The following SPG11 variants were observed in gnomAD, a reference collection of about 807,000 sequenced individuals.
SPG11 encodes the protein SPG11 vesicle trafficking associated, spatacsin.
In SPG11, 222 loss-of-function variants were observed where a neutral mutation model predicts 274.0. The observed-to-expected ratio is 0.81, with a 90% CI of 0.73 to 0.91. The LOEUF is 0.91. Among genes scored for constraint, SPG11 ranks in the 40% least tolerant of loss-of-function variants. The pLI, the probability that SPG11 is intolerant of heterozygous loss-of-function variation, is 0.00. For synonymous variants in SPG11, 1,144 were observed against 1,039.7 expected (o/e 1.10, Z -1.93); for missense variants, 3,114 against 2,872.7 (o/e 1.08, Z -1.92).
chr15:44,597,058 A>G, intron 23 of SPG11, 115 bp from the exon 24 acceptor site: 1 of 905,120 alleles, frequency 1.1e-6, no homozygotes, highest in South Asian at 1.5e-5. Context: ...AGCACAGTGT[A>G]TTCTCCAACA....
intron 27 of SPG11, chr15:44,590,746 G>A (rs1475610319): frequency 6.6e-6 from 1 of 152,114 alleles, no homozygotes; most frequent in Non-Finnish European, 1.5e-5. Context: ...AAACTTAACT[G>A]CCGGGTTTCA....
chr15:44,623,634 C>A (rs2083815217), intron 11 of SPG11, among the ~76,000 whole-genome samples: 1 of 152,182 alleles, frequency 6.6e-6, no homozygotes, highest in African/African-American at 2.4e-5. Context: ...GTCACATGAA[C>A]AATACAGAAT....
At chr15:44,593,182 C>A (rs2082946980) in intron 26 of SPG11, among the ~76,000 whole-genome samples, 1 of 152,044 alleles carries the variant, frequency 6.6e-6, no homozygotes. Flanking sequence ...GGTGCTATGA[C>A]ACCTTTATTA....
intron 11 of SPG11, among the ~76,000 whole-genome samples, chr15:44,623,212 G>A (rs1327498492): frequency 1.3e-5 from 2 of 152,020 alleles, no homozygotes; most frequent in African/African-American, 4.8e-5. Flanking sequence ...GCCTCCCAAG[G>A]TGCTAGGATT....
At chr15:44,565,783 T>C in intron 38 of SPG11, 71 bp downstream of exon 38, 1 of 1,588,502 alleles carries the variant, frequency 6.3e-7, no homozygotes, top group Non-Finnish European at 8.6e-7. Flanking sequence ...ACCTTACCTC[T>C]GGGTTCCATG....
At chr15:44,599,095 A>G (rs890643097) in intron 21 of SPG11, among the ~76,000 whole-genome samples, 2 of 152,178 alleles carry the variant, frequency 1.3e-5, no homozygotes, top group African/African-American at 2.4e-5. Flanking sequence ...TCTTGCTTCC[A>G]ACTTCATCAA....
chr15:44,660,509 T>C lies in SPG11; in HGVS notation c.365A>G (p.Asp122Gly). Residue 122 changes from aspartate to glycine, a missense_variant, in exon 2 of 40, where the codon GAT becomes GGT. Physicochemically the swap from Asp to Gly is moderately conservative, Grantham distance 94. Transcript: ENST00000261866. ...CAAAATGGTTGCATCACATCTTCCA[T>C]CTTTCAAATTAAATTCATAGATAAG... ...ELLIYEFNLK[D>G]GRCDATILYS... 1 of 1,614,176 alleles carries C rather than the reference T, an allele frequency of 6.2e-7. No individual in the cohort carries two copies.
At chr15:44,661,229 C>G (rs1442043747) in intron 1 of SPG11, among the ~76,000 whole-genome samples, 1 of 152,158 alleles carries the variant, frequency 6.6e-6, no homozygotes, top group Non-Finnish European at 1.5e-5. Context: ...TAGCTAATGA[C>G]TACCATTACT....
At chr15:44,606,847 G>C (rs141902893) in intron 19 of SPG11, among the ~76,000 whole-genome samples, 2 of 152,110 alleles carry the variant, frequency 1.3e-5, no homozygotes, top group Non-Finnish European at 2.9e-5. Context: ...ACAGAACAAA[G>C]AGCAACATGA....
At chr15:44,583,536 G>A (rs987854329) in intron 30 of SPG11, among the ~76,000 whole-genome samples, 1 of 152,180 alleles carries the variant, frequency 6.6e-6, no homozygotes, top group Non-Finnish European at 1.5e-5. Flanking sequence ...GACTGGAAAT[G>A]ATTAAATTTA....
intron 34 of SPG11, 149 bp from the exon 35 acceptor site, chr15:44,569,654 T>C (rs1314104340): frequency 5.7e-6 from 4 of 703,872 alleles, no homozygotes; most frequent in African/African-American, 5.3e-5. Context: ...CTCCCTCCCA[T>C]GTACCCAACA....
intron 10 of SPG11, among the ~76,000 whole-genome samples, chr15:44,627,847 C>T (rs1276363515): frequency 6.6e-6 from 1 of 152,134 alleles, no homozygotes; most frequent in Non-Finnish European, 1.5e-5. Flanking sequence ...CCTCGGCCTC[C>T]CAAAGTGCTG....
Position 44,589,352 on chromosome 15 carries a change from C to T in SPG11, c.4806G>A (p.Val1602=), listed in dbSNP as rs367880696. Reference sequence around the variant, plus strand: ...GTAGCATAAGCTTCAAAAGGAAACACACCTGATCCTCCAGCCACATGGCAG... The same window carrying T: ...GTAGCATAAGCTTCAAAAGGAAACATACCTGATCCTCCAGCCACATGGCAG... ...VIPAMWLEDQ[V]CFLLKLMLQQ... The change falls in exon 28 of 40, where the codon GTG becomes GTA. Residue 1602 remains valine (V), a synonymous_variant. Coordinates refer to ENST00000261866, the MANE Select transcript of SPG11 (RefSeq NM_025137.4). The T allele has an allele frequency of 3.7e-6, 6 of 1,614,158 alleles. No homozygotes were observed. Among genetic ancestry groups the T allele is most frequent in the Non-Finnish European group, 5.1e-6 (6 of 1,179,994 alleles).
chr15:44,597,002 T>G (rs2083061318), intron 23 of SPG11, 59 bp from the exon 24 acceptor site: 2 of 1,534,278 alleles, frequency 1.3e-6, no homozygotes, highest in Non-Finnish European at 1.8e-6. Context: ...CATTAAAATA[T>G]AGCTTTAGCT....
chr15:44,627,953 C>CT (rs1361636975), intron 10 of SPG11, among the ~76,000 whole-genome samples: 4 of 152,152 alleles, frequency 2.6e-5, no homozygotes, highest in Non-Finnish European at 4.4e-5. Flanking sequence ...ACACCACGTA[C>CT]TTTAATCCCT....
In SPG11 at chr15:44,659,227, G is replaced by A. The variant is rs777235892; in HGVS notation, c.519C>T (p.Ile173=). The A allele has an allele frequency of 3.7e-6, 6 of 1,614,008 alleles. No individual in the cohort carries two copies. The highest frequency in any genetic ancestry group is 1.3e-5 in the African/African-American group (1 of 74,920). The change falls in exon 3 of 40, where the codon ATC becomes ATT. Residue 173 remains isoleucine (I), a synonymous_variant. Transcript: ENST00000261866. ...CTCTTTCAGGAAATATAATATGTAGGATGACACATTTGTTGATGAACAGTA... is the reference window on the plus strand; with the variant it reads ...CTCTTTCAGGAAATATAATATGTAGAATGACACATTTGTTGATGAACAGTA... ...TSLLFINKCV[I]LHIIFPERDA...
chr15:44,585,642 A>G lies in SPG11; in HGVS notation c.5115T>C (p.Ile1705=), dbSNP rs1311864962. The G allele has an allele frequency of 2.5e-6, 4 of 1,605,334 alleles. No individual in the cohort carries two copies. In the Admixed American group the frequency reaches 6.7e-5, roughly 27 times the overall value. The change falls in exon 29 of 40, where the codon ATT becomes ATC. Residue 1705 remains isoleucine, a synonymous_variant. Coordinates refer to ENST00000261866, the MANE Select transcript of SPG11 (RefSeq NM_025137.4). ...LAELPVDNLV[I]KEITQEMQTL... is the part of the protein sequence containing the mutation. ...AAAAAAAGACCGATGATACCTCTTT[A>G]ATAACCAAGTTGTCCACAGGTAACT...
At chr15:44,625,259 C>A (rs2083865802) in intron 11 of SPG11, among the ~76,000 whole-genome samples, 1 of 152,100 alleles carries the variant, frequency 6.6e-6, no homozygotes, top group African/African-American at 2.4e-5. Context: ...TTCACTGCAG[C>A]CTAGAACTCC....
intron 7 of SPG11, among the ~76,000 whole-genome samples, chr15:44,645,723 A>T (rs575156214): frequency 4.6e-5 from 7 of 152,348 alleles, no homozygotes; most frequent in Admixed American, 1.3e-4. Flanking sequence ...CATCTGACAA[A>T]GGTCTAATAT....
Sources: gnomAD v4.1 joint callset for allele counts (sites outside exome capture counted in the v4.1 genomes callset) on GRCh38, gnomAD v4.1.1 for gene constraint, MANE v1.5 for transcripts, NCBI Gene and HGNC (gene_info 2026-07-23, HGNC 2026-07-21) for gene names.